The following UNC13B variants were observed in gnomAD, a reference collection of about 807,000 sequenced individuals.
The protein encoded by UNC13B is protein unc-13 homolog B.
A neutral mutation model predicts 211.0 loss-of-function variants in UNC13B; 144 were observed. The observed-to-expected ratio is 0.68, with a 90% CI of 0.60 to 0.78. The LOEUF (loss-of-function observed/expected upper bound fraction) is 0.78. UNC13B is among the 30% of genes least tolerant of loss of function. The probability of loss-of-function intolerance (pLI) is 0.00; values close to 1 mark genes in which losing one functional copy is unlikely to be tolerated. For missense variants in UNC13B, 1,777 were observed against 2,002.0 expected (o/e 0.89, Z 2.14); for synonymous variants, 709 against 725.8 (o/e 0.98, Z 0.37).
At chr9:35,351,378 C>T in intron 11 of UNC13B, 1 of 1,228,178 alleles carries the variant, frequency 8.1e-7, no homozygotes, top group Non-Finnish European at 1.0e-6. Flanking sequence ...GCACTGTGGG[C>T]TAAGCCCAAA....
Position 35,297,557 on chromosome 9 carries a change from T to TGTTTG in UNC13B, c.761+1627_761+1628insGTTTG, listed in dbSNP as rs768770247. On this transcript the variant is annotated intron_variant, in intron 8 of 39. Coordinates refer to ENST00000635942, the MANE Select transcript of UNC13B (RefSeq NM_001371189.2). Reference sequence around the variant, plus strand: ...AAGCACATACTTTGTCTTTTTTTTTTTTTTTTTTTTGAGACGGAGTCTCGC... The same window carrying TGTTTG: ...AAGCACATACTTTGTCTTTTTTTTTTGTTTGTTTTTTTTTTGAGACGGAGTCTCGC... 1.4e-5 allele frequency among the ~76,000 whole-genome samples: 2 copies of TGTTTG among 143,986 alleles called. 1 individual carries two copies. Among genetic ancestry groups the TGTTTG allele is most frequent in the East Asian group, 4.0e-4 (2 of 5,052 alleles). The allele number at this position is 143,986 out of a possible 152,430, so 94.5% of individuals were successfully genotyped here.
At position 35,302,463 on chromosome 9, in the gene UNC13B, A is replaced by T. The variant is rs1028161988; in HGVS notation, c.3059A>T (p.Asp1020Val). The stretch of plus-strand genomic sequence containing the variant: ...ACTCAGGATAATCTAGGGAAATTTG[A>T]CAGTACAGAGGAATTTAATCAGAAT... Reference protein sequence around the residue: ...PNTQDNLGKFDSTEEFNQNDQ... With the variant: ...PNTQDNLGKFVSTEEFNQNDQ... The change falls in exon 9 of 40, where the codon GAC (aspartate) becomes GTC (valine). Residue 1020 changes from aspartate to valine, a missense_variant. Transcript: ENST00000635942. The T allele has an allele frequency of 5.0e-6, 2 of 398,578 alleles. No homozygotes were observed. Among genetic ancestry groups the T allele is most frequent in the Non-Finnish European group, 8.9e-6 (2 of 225,800 alleles). The allele number at this position is 398,578 out of a possible 1,614,324, so 24.7% of individuals were successfully genotyped here.
intron 5 of UNC13B, 142 bp downstream of exon 5, chr9:35,237,968 C>A (rs775278042): frequency 4.6e-6 from 4 of 872,758 alleles, no homozygotes; most frequent in Non-Finnish European, 6.8e-6. Context: ...TTTCTCATAA[C>A]ACTTCACCCA....
intron 8 of UNC13B, among the ~76,000 whole-genome samples, chr9:35,297,547 C>CTTTTTTTTTTTTTT (rs774525517): frequency 5.9e-5 from 6 of 100,856 alleles, no homozygotes; most frequent in South Asian, 6.2e-4. Context: ...CATACTTTGT[C>CTTTTTTTTTTTTTT]TTTTTTTTTT....
At position 35,403,956 on chromosome 9, in the gene UNC13B, C is replaced by T. The variant is rs1451150850; in HGVS notation, c.12946C>T (p.Gln4316Ter). 9 of 1,614,004 alleles carry T rather than the reference C, an allele frequency of 5.6e-6. No individual in the cohort carries two copies. Among genetic ancestry groups the T allele is most frequent in the African/African-American group, 1.3e-5 (1 of 74,890 alleles). Residue 4316 changes from glutamine (Q) to a stop codon, truncating the protein, a stop_gained, in exon 40 of 40, where the codon CAG (glutamine) becomes TAG (stop). Transcript: ENST00000635942. LOFTEE classifies it high-confidence loss of function. The stretch of plus-strand genomic sequence containing the variant: ...CCTGACCATTCTCCGGATTTTATCT[C>T]AGAGGAGCAATGACGAGGTGGCCCG... ...TGLTILRILS[Q>*]RSNDEVAREF...
At chr9:35,326,818 A>G (rs1374658442) in intron 11 of UNC13B, among the ~76,000 whole-genome samples, 1 of 152,272 alleles carries the variant, frequency 6.6e-6, no homozygotes, top group Non-Finnish European at 1.5e-5. Flanking sequence ...ATTGTACAGC[A>G]GGTAACTGAA....
intron 1 of UNC13B, among the ~76,000 whole-genome samples, chr9:35,177,506 GC>G (rs1821703133): frequency 6.6e-6 from 1 of 152,208 alleles, no homozygotes. Context: ...GTTAACATCT[GC>G]CCCATGTACC....
rs1276543086 is a variant in UNC13B, at chr9:35,403,517, C to T, written c.12655C>T (p.His4219Tyr). The change falls in exon 39 of 40, where the codon CAC becomes TAC. Residue 4219 changes from histidine (H) to tyrosine (Y), a missense_variant. His to Tyr is a moderately conservative substitution (Grantham distance 83, BLOSUM62 2). Transcript: ENST00000635942. Reference sequence around the variant, plus strand: ...CGTGGAGGTGACTATGGTTGGCCCACACCAAAGTGATAAGAAGAGGAAGTT... The same window carrying T: ...CGTGGAGGTGACTATGGTTGGCCCATACCAAAGTGATAAGAAGAGGAAGTT... Reference protein sequence around the residue: ...PFVEVTMVGPHQSDKKRKFTT... With the variant: ...PFVEVTMVGPYQSDKKRKFTT... The T allele has an allele frequency of 6.2e-7, 1 of 1,613,880 alleles. No homozygotes were observed. Among genetic ancestry groups the T allele is most frequent in the Non-Finnish European group, 8.5e-7 (1 of 1,180,014 alleles).
intron 24 of UNC13B, among the ~76,000 whole-genome samples, chr9:35,388,610 G>T (rs562924653): frequency 6.6e-6 from 1 of 152,270 alleles, no homozygotes; most frequent in African/African-American, 2.4e-5. Context: ...CTACTAAATG[G>T]AGTTGTTGTG....
At chr9:35,165,293 T>C (rs1318473884) in intron 1 of UNC13B, among the ~76,000 whole-genome samples, 2 of 152,214 alleles carry the variant, frequency 1.3e-5, no homozygotes, top group Admixed American at 6.5e-5. Flanking sequence ...GAAGAACAGT[T>C]GGGTTGTTCA....
intron 7 of UNC13B, among the ~76,000 whole-genome samples, chr9:35,261,321 G>T (rs1320248643): frequency 6.6e-6 from 1 of 152,106 alleles, no homozygotes; most frequent in Non-Finnish European, 1.5e-5. Context: ...TCTGCTAAGA[G>T]CTAGGAAAGT....
chr9:35,376,210 G>C lies in UNC13B; in HGVS notation c.9798G>C (p.Glu3266Asp). 1.2e-6 allele frequency: 2 copies of C among 1,614,094 alleles called. No individual in the cohort carries two copies. Among genetic ancestry groups the C allele is most frequent in the Non-Finnish European group, 1.7e-6 (2 of 1,180,034 alleles). ...RCSECGVKCH[E>D]KCQDLLNADC... Reference sequence around the variant, plus strand: ...GCGAATGTGGAGTCAAGTGCCATGAGAAGTGCCAGGATCTGCTCAATGCTG... The same window carrying C: ...GCGAATGTGGAGTCAAGTGCCATGACAAGTGCCAGGATCTGCTCAATGCTG... The change falls in exon 15 of 40, where the codon GAG becomes GAC. Residue 3266 changes from glutamate to aspartate, a missense_variant. Coordinates refer to ENST00000635942, the MANE Select transcript of UNC13B (RefSeq NM_001371189.2).
chr9:35,258,600 A>G (rs1325672035), intron 6 of UNC13B, among the ~76,000 whole-genome samples: 2 of 152,252 alleles, frequency 1.3e-5, no homozygotes, highest in African/African-American at 4.8e-5. Flanking sequence ...AGCCCCAGAC[A>G]GGTTTTCACT....
Position 35,403,452 on chromosome 9 carries a change from A to G in UNC13B, c.12590A>G (p.Asn4197Ser), listed in dbSNP as rs534291867. ...CTTGTTTGGGCAGTGGTGGCTGCCAATGACCTCAAGTGGCAGACAGCGGGT... is the reference window on the plus strand; with the variant it reads ...CTTGTTTGGGCAGTGGTGGCTGCCAGTGACCTCAAGTGGCAGACAGCGGGT... ...HKVTVKVVAANDLKWQTAGMF... is the reference protein window; with the variant it reads ...HKVTVKVVAASDLKWQTAGMF... Residue 4197 changes from asparagine to serine, a missense_variant, in exon 39 of 40, where the codon AAT becomes AGT. Physicochemically the swap from Asn to Ser is conservative, Grantham distance 46. Transcript: ENST00000635942. 9.3e-6 allele frequency: 15 copies of G among 1,613,718 alleles called. No individual in the cohort carries two copies. The highest frequency in any genetic ancestry group is 1.3e-5 in the African/African-American group (1 of 75,038).
chr9:35,235,529 C>T (rs1185176043), intron 3 of UNC13B, among the ~76,000 whole-genome samples: 1 of 151,766 alleles, frequency 6.6e-6, no homozygotes, highest in African/African-American at 2.4e-5. Flanking sequence ...GGCTCTGCCT[C>T]CTGGGTTCAA....
At chr9:35,270,281 T>A (rs1827800421) in intron 7 of UNC13B, among the ~76,000 whole-genome samples, 1 of 152,138 alleles carries the variant, frequency 6.6e-6, no homozygotes, top group African/African-American at 2.4e-5. Flanking sequence ...ATTAACACCC[T>A]CATCACAAGG....
chr9:35,331,559 T>G (rs1168491456), intron 11 of UNC13B, among the ~76,000 whole-genome samples: 1 of 152,236 alleles, frequency 6.6e-6, no homozygotes, highest in Non-Finnish European at 1.5e-5. Flanking sequence ...TTTTCAGTTT[T>G]AAATCAAGCC....
rs530133595 is a variant in UNC13B, at chr9:35,231,045, A to C, written c.53-75A>C. 14 of 968,096 alleles carry C rather than the reference A, an allele frequency of 1.4e-5. No individual in the cohort carries two copies. In the African/African-American group the frequency reaches 2.3e-4, roughly 16 times the overall value. The allele number at this position is 968,096 out of a possible 1,614,324, so 60.0% of individuals were successfully genotyped here. A position where few individuals can be genotyped will look rare whatever the true frequency, so the allele number is the denominator to read the frequency against. ...TAATACTTTAATTTCTATATTGCTT[A>C]ATTCCAAGGGCTTTGTGAGATGGGT... On this transcript the variant is annotated intron_variant, in intron 2 of 39. Transcript: ENST00000635942.
At chr9:35,269,349 A>G (rs985068332) in intron 7 of UNC13B, among the ~76,000 whole-genome samples, 2 of 152,262 alleles carry the variant, frequency 1.3e-5, no homozygotes, top group African/African-American at 4.8e-5. Context: ...GAGGAAGTCC[A>G]GAAGGGTCTG....
Sources: gnomAD v4.1 joint callset for allele counts (sites outside exome capture counted in the v4.1 genomes callset) on GRCh38, gnomAD v4.1.1 for gene constraint, MANE v1.5 for transcripts, NCBI Gene and HGNC (gene_info 2026-07-23, HGNC 2026-07-21) for gene names.